Variants in ICA1L observed in about 807,000 individuals in gnomAD.
ICA1L encodes islet cell autoantigen 1 like.
A neutral mutation model predicts 61.3 loss-of-function variants in ICA1L; 50 were observed. The ratio of observed to expected loss-of-function variants is 0.82; its 90% CI spans 0.65 to 1.03. The LOEUF (loss-of-function observed/expected upper bound fraction) is 1.03, where lower values mean the gene tolerates loss of function less well. Ranked by LOEUF, ICA1L falls within the 50% of genes least tolerant of loss-of-function variation. The pLI is 0.00. For missense variants in ICA1L, 508 were observed against 556.7 expected (o/e 0.91, Z 0.88); for synonymous variants, 161 against 191.3 (o/e 0.84, Z 1.31).
intron 10 of ICA1L, among the ~76,000 whole-genome samples, chr2:202,790,636 G>A (rs571811901): frequency 6.6e-6 from 1 of 152,264 alleles, no homozygotes; most frequent in African/African-American, 2.4e-5. Flanking sequence ...CTAGGTGAGT[G>A]CAGTCAATAG....
intron 9 of ICA1L, among the ~76,000 whole-genome samples, chr2:202,797,953 C>G (rs946162749): frequency 2.6e-5 from 4 of 152,200 alleles, no homozygotes; most frequent in Non-Finnish European, 4.4e-5. Context: ...GTTCCCTCCC[C>G]ACAACTACCT....
At chr2:202,819,588 G>A in intron 5 of ICA1L, 113 bp downstream of exon 5, 1 of 829,856 alleles carries the variant, frequency 1.2e-6, no homozygotes, top group Non-Finnish European at 1.9e-6. Flanking sequence ...AACCAAGAAT[G>A]TATAATGAAA....
At chr2:202,815,043 T>C (rs1693494871) in intron 7 of ICA1L, among the ~76,000 whole-genome samples, 2 of 152,222 alleles carry the variant, frequency 1.3e-5, no homozygotes, top group Admixed American at 6.5e-5. Flanking sequence ...AACTTAGTAA[T>C]AGGCCTAAAG....
At chr2:202,795,073 C>CTTTT (rs59752090) in intron 10 of ICA1L, among the ~76,000 whole-genome samples, 464 of 96,710 alleles carry the variant, frequency 4.8e-3, no homozygotes, top group Non-Finnish European at 5.9e-3. Flanking sequence ...GTTTCCTTTT[C>CTTTT]TTTTTTTTTT....
chr2:202,865,279 G>A (rs887895542), intron 1 of ICA1L, among the ~76,000 whole-genome samples: 14 of 151,932 alleles, frequency 9.2e-5, no homozygotes, highest in African/African-American at 3.4e-4. Flanking sequence ...GAGCAGCCTA[G>A]CCAACATGGT....
intron 1 of ICA1L, among the ~76,000 whole-genome samples, chr2:202,829,823 C>G (rs957743239): frequency 2.0e-5 from 3 of 152,124 alleles, no homozygotes; most frequent in Non-Finnish European, 2.9e-5. Context: ...TTATTACTTT[C>G]TAAGTTTTGC....
At chr2:202,812,643 C>A (rs1349736578) in intron 8 of ICA1L, among the ~76,000 whole-genome samples, 3 of 151,616 alleles carry the variant, frequency 2.0e-5, no homozygotes, top group Non-Finnish European at 2.9e-5. Context: ...CTCACAGTTG[C>A]TAGTATTGAA....
intron 1 of ICA1L, among the ~76,000 whole-genome samples, chr2:202,850,180 G>A (rs539798591): frequency 2.0e-4 from 31 of 152,066 alleles, no homozygotes; most frequent in Admixed American, 3.3e-4. Flanking sequence ...AATCCACCAA[G>A]ATGAGGAAAA....
chr2:202,792,761 G>A lies in ICA1L; in HGVS notation c.986-3674C>T, dbSNP rs570189769. Among the ~76,000 whole-genome samples, 18 of 152,074 alleles carry A rather than the reference G, an allele frequency of 1.2e-4. 1 individual carries two copies. Among genetic ancestry groups the A allele is most frequent in the African/African-American group, 3.1e-4 (13 of 41,468 alleles). On this transcript the variant is annotated intron_variant, in intron 10 of 12. Coordinates refer to ENST00000358299, the MANE Select transcript of ICA1L (RefSeq NM_001288622.3). ...GCAGGTTGCAGTGGGCCAAGATCGCGCCACTGCACTCCAGCCTGGGCGACA... is the reference window on the plus strand; with the variant it reads ...GCAGGTTGCAGTGGGCCAAGATCGCACCACTGCACTCCAGCCTGGGCGACA...
intron 10 of ICA1L, among the ~76,000 whole-genome samples, chr2:202,791,175 T>C (rs1447897791): frequency 6.6e-6 from 1 of 152,238 alleles, no homozygotes; most frequent in Non-Finnish European, 1.5e-5. Flanking sequence ...GAACTGTTTC[T>C]TTAAATGAGT....
At chr2:202,865,469 GAAA>G (rs75429547) in intron 1 of ICA1L, among the ~76,000 whole-genome samples, 1 of 130,864 alleles carries the variant, frequency 7.6e-6, no homozygotes, top group African/African-American at 2.9e-5. Flanking sequence ...ACTCCATCCC[GAAA>G]AAAAAAAAAA....
At chr2:202,810,102 A>G (rs541537777) in intron 9 of ICA1L, among the ~76,000 whole-genome samples, 1 of 152,348 alleles carries the variant, frequency 6.6e-6, no homozygotes, top group East Asian at 1.9e-4. Flanking sequence ...AGCAAAAGAA[A>G]AGAAACAAAT....
chr2:202,836,309 G>C (rs1053292629), intron 1 of ICA1L, among the ~76,000 whole-genome samples: 1 of 152,170 alleles, frequency 6.6e-6, no homozygotes, highest in Non-Finnish European at 1.5e-5. Flanking sequence ...TAAATATGGT[G>C]TATCACTATT....
At chr2:202,825,505 T>G (rs1693817767) in intron 3 of ICA1L, 190 bp downstream of exon 3, 3 of 1,322,404 alleles carry the variant, frequency 2.3e-6, no homozygotes, top group Non-Finnish European at 2.9e-6. Flanking sequence ...TAAATCTGGG[T>G]CAGAGGATTT....
rs1692134160 is a variant in ICA1L, at chr2:202,773,940, C to T, written c.*5593G>A. 3 of 1,154,796 alleles carry T rather than the reference C, an allele frequency of 2.6e-6. No individual in the cohort carries two copies. The Admixed American group carries it at 5.7e-5, about 22-fold the overall frequency. The allele number at this position is 1,154,796 out of a possible 1,614,324, so 71.5% of individuals were successfully genotyped here. A position where few individuals can be genotyped will look rare whatever the true frequency, so the allele number is the denominator to read the frequency against. On this transcript the variant is annotated 3_prime_UTR_variant, in exon 13 of 13. Transcript: ENST00000358299. ...CGTAGAAAGAGACAGAAAGATTCTTCTCTTCCGCTTATTACTTGCCACTGT... is the reference window on the plus strand; with the variant it reads ...CGTAGAAAGAGACAGAAAGATTCTTTTCTTCCGCTTATTACTTGCCACTGT...
At chr2:202,821,678 G>T in intron 3 of ICA1L, 197 bp from the exon 4 acceptor site, 1 of 359,612 alleles carries the variant, frequency 2.8e-6, no homozygotes, top group Non-Finnish European at 5.0e-6. Flanking sequence ...AGGGAATCTG[G>T]CTTCTTATCA....
intron 1 of ICA1L, chr2:202,840,315 G>A: frequency 4.3e-6 from 2 of 467,626 alleles, no homozygotes; most frequent in South Asian, 3.3e-5. Flanking sequence ...ACACTGGGAG[G>A]AGCTGCTGCA....
intron 9 of ICA1L, among the ~76,000 whole-genome samples, chr2:202,799,413 T>G (rs953752891): frequency 6.6e-6 from 1 of 152,226 alleles, no homozygotes; most frequent in Admixed American, 6.5e-5. Context: ...ACCATTGGTA[T>G]GTCTTCTTTT....
At chr2:202,837,430 C>A (rs1200763801) in intron 1 of ICA1L, among the ~76,000 whole-genome samples, 1 of 151,830 alleles carries the variant, frequency 6.6e-6, no homozygotes, top group Non-Finnish European at 1.5e-5. Flanking sequence ...ATTACAGGCG[C>A]CTGCCACCAC....
Sources: gnomAD v4.1 joint callset for allele counts (sites outside exome capture counted in the v4.1 genomes callset) on GRCh38, gnomAD v4.1.1 for gene constraint, MANE v1.5 for transcripts, NCBI Gene and HGNC (gene_info 2026-07-23, HGNC 2026-07-21) for gene names.